Variants in NECTIN3 observed in about 807,000 individuals in gnomAD.
NECTIN3 encodes the protein nectin-3.
NECTIN3 carries 8 observed loss-of-function variants against 49.4 expected under a neutral mutation model. The observed-to-expected ratio is 0.16, with a 90% CI of 0.10 to 0.29. The LOEUF (loss-of-function observed/expected upper bound fraction) is 0.29, where lower values mean the gene tolerates loss of function less well. Among genes scored for constraint, NECTIN3 ranks in the 10% least tolerant of loss-of-function variants. The probability of loss-of-function intolerance (pLI) is 1.00; values close to 1 mark genes in which losing one functional copy is unlikely to be tolerated. For synonymous variants in NECTIN3, 277 were observed against 241.1 expected (o/e 1.15, Z -1.38); for missense variants, 581 against 654.6 (o/e 0.89, Z 1.23).
chr3:111,156,668 C>T (rs1185249056), intron 7 of NECTIN3, among the ~76,000 whole-genome samples: 1 of 152,102 alleles, frequency 6.6e-6, no homozygotes, highest in Non-Finnish European at 1.5e-5. Flanking sequence ...TATCTTTAAC[C>T]CAGTTTGCCT....
chr3:111,080,966 CAG>C lies in NECTIN3; in HGVS notation c.160+8790_160+8791del, dbSNP rs141124927. ...TCTTCAAGAGTTTAGACAGATAAAA[CAG>C]GGTGGTTTTAAACATATTTAAAACA... On this transcript the variant is annotated intron_variant, in intron 1 of 5. Transcript: ENST00000485303. 8.5e-4 allele frequency among the ~76,000 whole-genome samples: 129 copies of C among 152,176 alleles called. 1 individual carries two copies. The highest frequency in any genetic ancestry group is 3.0e-3 in the African/African-American group (124 of 41,516).
chr3:111,099,880 T>C (rs2032805463), intron 1 of NECTIN3, among the ~76,000 whole-genome samples: 1 of 152,100 alleles, frequency 6.6e-6, no homozygotes, highest in African/African-American at 2.4e-5. Flanking sequence ...TGGTGCTTAG[T>C]TAGTACCTAT....
At chr3:111,128,017 A>T (rs892926700) in intron 5 of NECTIN3, among the ~76,000 whole-genome samples, 5 of 152,028 alleles carry the variant, frequency 3.3e-5, no homozygotes, top group Non-Finnish European at 7.4e-5. Flanking sequence ...TAGACCTTAG[A>T]CTCAATATGT....
intron 7 of NECTIN3, among the ~76,000 whole-genome samples, chr3:111,149,852 A>G (rs1269104568): frequency 1.3e-5 from 2 of 151,924 alleles, no homozygotes; most frequent in Non-Finnish European, 2.9e-5. Flanking sequence ...TAAATCTGAT[A>G]TGAAATAATT....
Position 111,112,152 on chromosome 3 carries a change from C to A in NECTIN3, c.283C>A (p.His95Asn). 4 of 1,613,790 alleles carry A rather than the reference C, an allele frequency of 2.5e-6. No individual in the cohort carries two copies. The highest frequency in any genetic ancestry group is 3.4e-6 in the Non-Finnish European group (4 of 1,179,844). Residue 95 changes from histidine to asparagine, a missense_variant, in exon 2 of 6, where the codon CAT becomes AAT. By Grantham distance (68) the His-to-Asn change is moderately conservative. Coordinates refer to ENST00000485303, the MANE Select transcript of NECTIN3 (RefSeq NM_015480.3). ...AACACAGATTTCATGGGAGAAGATA[C>A]ATGGCAAAAGTTCACAGACTGTTGC... ...TITQISWEKIHGKSSQTVAVH... is the reference protein window; with the variant it reads ...TITQISWEKINGKSSQTVAVH...
At chr3:111,112,427 T>C in intron 2 of NECTIN3, 56 bp downstream of exon 2, 1 of 1,062,174 alleles carries the variant, frequency 9.4e-7, no homozygotes, top group Non-Finnish European at 1.3e-6. Context: ...ATAATAAAAA[T>C]ATTTTTAAGA....
At chr3:111,086,252 A>G (rs373242641) in intron 1 of NECTIN3, among the ~76,000 whole-genome samples, 4 of 152,204 alleles carry the variant, frequency 2.6e-5, no homozygotes, top group African/African-American at 9.6e-5. Context: ...TCACTCTGTG[A>G]ATGGTTTCTG....
chr3:111,092,193 A>G (rs939898096), intron 1 of NECTIN3, among the ~76,000 whole-genome samples: 6 of 152,232 alleles, frequency 3.9e-5, no homozygotes, highest in African/African-American at 1.4e-4. Flanking sequence ...GATATATTCT[A>G]GAGACAAGTA....
downstream of NECTIN3, among the ~76,000 whole-genome samples, chr3:111,141,718 C>CT (rs1203175779): frequency 6.6e-6 from 1 of 151,756 alleles, no homozygotes; most frequent in Non-Finnish European, 1.5e-5. Flanking sequence ...GCAAGCTGGT[C>CT]TTTTTTTAGA....
chr3:111,092,067 T>C (rs1200618001), intron 1 of NECTIN3, among the ~76,000 whole-genome samples: 1 of 152,222 alleles, frequency 6.6e-6, no homozygotes, highest in Non-Finnish European at 1.5e-5. Context: ...TTCATTTGCT[T>C]ATTGGCCATT....
At chr3:111,154,007 A>G (rs1291769184) in intron 7 of NECTIN3, among the ~76,000 whole-genome samples, 1 of 152,186 alleles carries the variant, frequency 6.6e-6, no homozygotes, top group Non-Finnish European at 1.5e-5. Flanking sequence ...ATTAATTAGC[A>G]CACAGTAAAC....
rs2035441382 is a variant in NECTIN3 at position 111,171,962 on chromosome 3, AT to A, written c.1222-20388del. ...GACAAGAGTTACCTAAATATTCTGC[AT>A]CTTCTTGTTTTGAACGATATGCAGA... On this transcript the variant is annotated intron_variant, in intron 7 of 8. Coordinates refer to the NECTIN3 transcript ENST00000493615. Among the ~76,000 whole-genome samples, 7 of 152,332 alleles carry A rather than the reference AT, an allele frequency of 4.6e-5. No individual in the cohort carries two copies. In the South Asian group the frequency reaches 1.4e-3, roughly 32 times the overall value.
At chr3:111,122,356 T>G in intron 4 of NECTIN3, 118 bp downstream of exon 4, 1 of 734,020 alleles carries the variant, frequency 1.4e-6, no homozygotes, top group Non-Finnish European at 2.1e-6. Context: ...AAATTTTAAT[T>G]AAATTTTCTG....
At chr3:111,087,354 A>G (rs1164476333) in intron 1 of NECTIN3, among the ~76,000 whole-genome samples, 1 of 152,194 alleles carries the variant, frequency 6.6e-6, no homozygotes, top group Non-Finnish European at 1.5e-5. Context: ...AGCATTTAAA[A>G]AAAATAGAAG....
chr3:111,158,256 C>T (rs1440794405), intron 7 of NECTIN3, among the ~76,000 whole-genome samples: 1 of 151,930 alleles, frequency 6.6e-6, no homozygotes, highest in Admixed American at 6.6e-5. Flanking sequence ...TGGAATATTT[C>T]TTATATATAA....
intron 1 of NECTIN3, among the ~76,000 whole-genome samples, chr3:111,110,311 G>A (rs1258136965): frequency 6.6e-6 from 1 of 151,636 alleles, no homozygotes; most frequent in Non-Finnish European, 1.5e-5. Flanking sequence ...CCACTGATTT[G>A]AGAAGAATCT....
At chr3:111,124,425 A>G (rs2034078155) in intron 4 of NECTIN3, among the ~76,000 whole-genome samples, 1 of 152,188 alleles carries the variant, frequency 6.6e-6, no homozygotes, top group Admixed American at 6.5e-5. Context: ...TCATTTTACA[A>G]TTTCTCAGAG....
chr3:111,112,664 CTTTAT>C (rs2033522102), intron 2 of NECTIN3, among the ~76,000 whole-genome samples: 1 of 151,938 alleles, frequency 6.6e-6, no homozygotes, highest in African/African-American at 2.4e-5. Flanking sequence ...TCTGTGACAT[CTTTAT>C]TTTCATTACC....
intron 1 of NECTIN3, among the ~76,000 whole-genome samples, chr3:111,091,184 T>G (rs1480396980): frequency 6.6e-6 from 1 of 152,180 alleles, no homozygotes; most frequent in Non-Finnish European, 1.5e-5. Context: ...TCTTTGTCTT[T>G]AAACATGTAC....
Sources: gnomAD v4.1 joint callset for allele counts (sites outside exome capture counted in the v4.1 genomes callset) on GRCh38, gnomAD v4.1.1 for gene constraint, MANE v1.5 for transcripts, NCBI Gene and HGNC (gene_info 2026-07-23, HGNC 2026-07-21) for gene names.